Variants in SPCS2 observed in about 807,000 individuals in gnomAD.
SPCS2 encodes the protein signal peptidase complex subunit 2.
Under a neutral mutation model 22.3 loss-of-function variants are expected in SPCS2, and 3 were observed. The ratio of observed to expected loss-of-function variants is 0.13; its 90% CI spans 0.06 to 0.35. The LOEUF is 0.35. SPCS2 is among the 10% of genes least tolerant of loss of function. SPCS2 has a pLI of 1.00. For synonymous variants in SPCS2, 67 were observed against 97.2 expected, an observed-to-expected ratio of 0.69 and a Z score of 1.83; for missense variants, 169 against 280.9, an observed-to-expected ratio of 0.60 and a Z score of 2.85.
At chr11:74,974,386 AACTCATCTCTC>A (rs1948604008) in intron 4 of SPCS2, among the ~76,000 whole-genome samples, 1 of 152,138 alleles carries the variant, frequency 6.6e-6, no homozygotes, top group African/African-American at 2.4e-5. Flanking sequence ...TCCAAAACCT[AACTCATCTCTC>A]ACTCATCCAA....
intron 4 of SPCS2, among the ~76,000 whole-genome samples, chr11:74,971,650 G>A (rs1019660882): frequency 6.6e-5 from 10 of 152,020 alleles, no homozygotes; most frequent in Admixed American, 6.6e-4. Context: ...TATTCCCACT[G>A]CCAGGTCATG....
intron 1 of SPCS2, among the ~76,000 whole-genome samples, chr11:74,952,411 C>T (rs1948452031): frequency 6.6e-6 from 1 of 152,128 alleles, no homozygotes; most frequent in Admixed American, 6.5e-5. Context: ...TTGTAAGGAT[C>T]AAATTGTATA....
chr11:74,954,705 A>G (rs1948466382), intron 1 of SPCS2, among the ~76,000 whole-genome samples: 1 of 152,242 alleles, frequency 6.6e-6, no homozygotes, highest in South Asian at 2.1e-4. Flanking sequence ...TTAGCGTCTC[A>G]AAACTCATTA....
Position 74,952,036 on chromosome 11 carries a change from A to G in SPCS2, c.114+2637A>G, listed in dbSNP as rs78704673. ...ACAAGTAGATAGCATCTGATTAGGG[A>G]GGCCGTGGATTGCTTGAAGTAGAGG... On this transcript the variant is annotated intron_variant, in intron 1 of 4. Coordinates refer to ENST00000263672, the MANE Select transcript of SPCS2 (RefSeq NM_014752.3). Among the ~76,000 whole-genome samples, 213 of 152,258 alleles carry G rather than the reference A, an allele frequency of 1.4e-3. 1 individual carries two copies. Among genetic ancestry groups the G allele is most frequent in the African/African-American group, 4.9e-3 (204 of 41,552 alleles).
chr11:74,959,151 G>A (rs1474481906), intron 1 of SPCS2, among the ~76,000 whole-genome samples: 1 of 152,122 alleles, frequency 6.6e-6, no homozygotes, highest in East Asian at 1.9e-4. Context: ...GTCTAAATCA[G>A]AACAGGGTCA....
chr11:74,955,560 T>G (rs1948473169), intron 1 of SPCS2, among the ~76,000 whole-genome samples: 1 of 152,010 alleles, frequency 6.6e-6, no homozygotes, highest in Non-Finnish European at 1.5e-5. Context: ...AAGATGTGAC[T>G]GCTAATGGGT....
At chr11:74,975,651 G>A (rs1948610308) in intron 4 of SPCS2, among the ~76,000 whole-genome samples, 1 of 152,224 alleles carries the variant, frequency 6.6e-6, no homozygotes, top group Non-Finnish European at 1.5e-5. Flanking sequence ...ATTTTGAGGT[G>A]TTGAAAATAG....
chr11:74,959,934 C>A (rs549318629), intron 1 of SPCS2, among the ~76,000 whole-genome samples: 3 of 152,264 alleles, frequency 2.0e-5, no homozygotes, highest in African/African-American at 7.2e-5. Context: ...TTCAAATGTG[C>A]AGTGGAGAAA....
chr11:74,965,174 G>T, intron 2 of SPCS2, 57 bp downstream of exon 2: 1 of 1,166,696 alleles, frequency 8.6e-7, no homozygotes, highest in South Asian at 1.5e-5. Flanking sequence ...CATCTCTCCT[G>T]GGAAATCTTT....
chr11:74,957,111 T>A (rs995944943), intron 1 of SPCS2, among the ~76,000 whole-genome samples: 3 of 152,234 alleles, frequency 2.0e-5, no homozygotes, highest in Non-Finnish European at 4.4e-5. Flanking sequence ...GCAGAATTTG[T>A]CTTGTTTATG....
chr11:74,976,957 C>T lies in SPCS2; in HGVS notation c.595C>T (p.His199Tyr). The T allele has an allele frequency of 6.2e-7, 1 of 1,608,778 alleles. No individual in the cohort carries two copies. The highest frequency in any genetic ancestry group is 8.5e-7 in the Non-Finnish European group (1 of 1,175,778). ...FTKSIAKFFDHSGTLVMDAYE... is the reference protein window; with the variant it reads ...FTKSIAKFFDYSGTLVMDAYE... ...AAAGTCCATTGCTAAGTTTTTTGAC[C>T]ACAGTGGGACACTGGTCATGGATGC... Residue 199 changes from histidine to tyrosine, a missense_variant, in exon 5 of 5, where the codon CAC (histidine) becomes TAC (tyrosine). Coordinates refer to ENST00000263672, the MANE Select transcript of SPCS2 (RefSeq NM_014752.3).
chr11:74,954,971 C>T (rs989972129), intron 1 of SPCS2, among the ~76,000 whole-genome samples: 5 of 152,184 alleles, frequency 3.3e-5, no homozygotes, highest in Admixed American at 6.5e-5. Flanking sequence ...TGGAAAGATG[C>T]GCAACATCAT....
chr11:74,970,870 A>G (rs890084357), intron 4 of SPCS2, among the ~76,000 whole-genome samples: 4 of 152,196 alleles, frequency 2.6e-5, no homozygotes, highest in Non-Finnish European at 5.9e-5. Context: ...TAATTCACCT[A>G]CCATACATAC....
In SPCS2 at chr11:74,951,767, G is replaced by A. The variant is rs191267662; in HGVS notation, c.114+2368G>A. Among the ~76,000 whole-genome samples the A allele has an allele frequency of 9.7e-3, 1,330 of 136,778 alleles. 9 individuals are homozygous for A. Among genetic ancestry groups the A allele is most frequent in the Middle Eastern group, 0.02 (4 of 202 alleles). The allele number at this position is 136,778 out of a possible 152,430, so 89.7% of individuals were successfully genotyped here. ...GGAGGTTGCAGTGAGCCGAGATCAC[G>A]CCATTGCAGTCCAGCCTGGGCAACA... On this transcript the variant is annotated intron_variant, in intron 1 of 4. Transcript: ENST00000263672.
chr11:74,958,789 A>G (rs1259686758), intron 1 of SPCS2, among the ~76,000 whole-genome samples: 1 of 151,792 alleles, frequency 6.6e-6, no homozygotes, highest in Non-Finnish European at 1.5e-5. Flanking sequence ...ACCTCAGAAT[A>G]CTCCCTTTCA....
At chr11:74,949,617 A>G (rs1169134816) in intron 1 of SPCS2, 1 of 607,792 alleles carries the variant, frequency 1.6e-6, no homozygotes, top group South Asian at 1.5e-5. Flanking sequence ...TTTTCTCGCA[A>G]GTGTTCTGGT....
chr11:74,952,294 G>C (rs1339842488), intron 1 of SPCS2, among the ~76,000 whole-genome samples: 1 of 152,054 alleles, frequency 6.6e-6, no homozygotes, highest in Non-Finnish European at 1.5e-5. Context: ...GATAACTTTT[G>C]CACCTACCTA....
At chr11:74,951,524 G>C (rs911853297) in intron 1 of SPCS2, among the ~76,000 whole-genome samples, 1 of 151,882 alleles carries the variant, frequency 6.6e-6, no homozygotes, top group Admixed American at 6.6e-5. Flanking sequence ...AAGAGTAAGA[G>C]CCTCGGCCGG....
At chr11:74,954,884 G>A (rs1948467834) in intron 1 of SPCS2, among the ~76,000 whole-genome samples, 1 of 152,118 alleles carries the variant, frequency 6.6e-6, no homozygotes, top group Non-Finnish European at 1.5e-5. Flanking sequence ...TAAAAAGACA[G>A]CAACCTAGTT....
Sources: gnomAD v4.1 joint callset for allele counts (sites outside exome capture counted in the v4.1 genomes callset) on GRCh38, gnomAD v4.1.1 for gene constraint, MANE v1.5 for transcripts, NCBI Gene and HGNC (gene_info 2026-07-23, HGNC 2026-07-21) for gene names.